Variants in CCR3 observed in about 807,000 individuals in gnomAD.
CCR3 encodes the protein C-C motif chemokine receptor 3.
For synonymous variants in CCR3, 203 were observed against 179.2 expected (o/e 1.13, Z -1.06); for missense variants, 419 against 437.5 (o/e 0.96, Z 0.38).
Position 46,265,508 on chromosome 3 carries a change from T to C in CCR3, c.350T>C (p.Leu117Ser), listed in dbSNP as rs1236169214. 4 of 1,614,070 alleles carry C rather than the reference T, an allele frequency of 2.5e-6. No homozygotes were observed. Among genetic ancestry groups the C allele is most frequent in the Non-Finnish European group, 3.4e-6 (4 of 1,180,020 alleles). Residue 117 changes from leucine (L) to serine (S), a missense_variant, in exon 2 of 2, where the codon TTG (leucine) becomes TCG (serine). Transcript: ENST00000395940. The stretch of plus-strand genomic sequence containing the variant: ...CTCTCAGGGTTTTATCACACAGGCT[T>C]GTACAGCGAGATCTTTTTCATAATC... ...KLLSGFYHTG[L>S]YSEIFFIILL...
chr3:46,257,307 C>G lies in CCR3; in HGVS notation c.-11-7841C>G, dbSNP rs527239715. ...AGTATATGCTGTCCATTTAAAAGTCCGTTTATTGCTTGGCTGTTGCAATTA... is the reference window on the plus strand; with the variant it reads ...AGTATATGCTGTCCATTTAAAAGTCGGTTTATTGCTTGGCTGTTGCAATTA... On this transcript the variant is annotated intron_variant, in intron 1 of 1. Coordinates refer to ENST00000395940, the MANE Select transcript of CCR3 (RefSeq NM_178329.3). 1.4e-4 allele frequency among the ~76,000 whole-genome samples: 21 copies of G among 152,104 alleles called. No individual in the cohort carries two copies. In the South Asian group the frequency reaches 4.4e-3, roughly 32 times the overall value.
chr3:46,237,553 T>C (rs1346459243), upstream of CCR3, among the ~76,000 whole-genome samples: 1 of 152,218 alleles, frequency 6.6e-6, no homozygotes, highest in Admixed American at 6.5e-5. Context: ...TTTCATGTAG[T>C]AGTTTTATAG....
At chr3:46,210,873 G>A (rs1302407622) in exon 2 of CCR3, 1 of 152,250 alleles carries the variant, frequency 6.6e-6, no homozygotes, top group Admixed American at 6.5e-5. Context: ...CAAGATTTGA[G>A]GCTGGGAAGA....
chr3:46,225,273 T>C lies in CCR3; in HGVS notation c.-68+14366T>C, dbSNP rs75718598. On this transcript the variant is annotated intron_variant, in intron 2 of 3. Transcript: ENST00000357422. ...TCTGGGGTTCTAGTAATGTCTTGAC[T>C]GGTGGTTACATGGGTATGTGCACAT... is the stretch of plus-strand genomic sequence containing the variant. Among the ~76,000 whole-genome samples the C allele has an allele frequency of 9.3e-3, 1,411 of 152,348 alleles. 17 individuals carry two copies. Among genetic ancestry groups the C allele is most frequent in the African/African-American group, 0.032 (1,342 of 41,574 alleles).
chr3:46,243,577 A>G (rs1700136884), intron 1 of CCR3, among the ~76,000 whole-genome samples: 1 of 152,184 alleles, frequency 6.6e-6, no homozygotes, highest in African/African-American at 2.4e-5. Context: ...CTGGATTGAC[A>G]GAGGATGAGT....
Position 46,265,559 on chromosome 3 carries a change from C to T in CCR3, c.401C>T (p.Ala134Val), listed in dbSNP as rs1174976797. The change falls in exon 2 of 2, where the codon GCC becomes GTC. Residue 134 changes from alanine to valine, a missense_variant. Coordinates refer to ENST00000395940, the MANE Select transcript of CCR3 (RefSeq NM_178329.3). ...IILLTIDRYL[A>V]IVHAVFALRA... is the part of the protein sequence containing the mutation. ...CTGCTGACAATCGACAGGTACCTGG[C>T]CATTGTCCATGCTGTGTTTGCCCTT... The T allele has an allele frequency of 6.2e-7, 1 of 1,614,108 alleles. No homozygotes were observed. The highest frequency in any genetic ancestry group is 8.5e-7 in the Non-Finnish European group (1 of 1,180,008).
rs181253380 is a variant in CCR3, at chr3:46,226,234, A to G, written c.-68+15327A>G. On this transcript the variant is annotated intron_variant, in intron 2 of 3. Coordinates refer to the CCR3 transcript ENST00000357422. ...CTATAAAAATTTCACTGGAATTTCT[A>G]TAATATAAATTTCCCTAAACCTTGG... Among the ~76,000 whole-genome samples the G allele has an allele frequency of 5.3e-5, 8 of 152,338 alleles. No individual in the cohort carries two copies. In the East Asian group the frequency reaches 1.2e-3, roughly 22 times the overall value.
At chr3:46,228,888 TCTG>T (rs1699932076) in intron 2 of CCR3, among the ~76,000 whole-genome samples, 1 of 152,252 alleles carries the variant, frequency 6.6e-6, no homozygotes, top group African/African-American at 2.4e-5. Context: ...TCATGTTACA[TCTG>T]CTATGTGTAT....
At chr3:46,234,123 G>GTTAA (rs1245138470) in intron 2 of CCR3, among the ~76,000 whole-genome samples, 1 of 152,218 alleles carries the variant, frequency 6.6e-6, no homozygotes, top group Non-Finnish European at 1.5e-5. Context: ...CTTGAGAGAT[G>GTTAA]TTAACACTTG....
chr3:46,242,320 G>T (rs1472263755), upstream of CCR3: 2 of 152,214 alleles, frequency 1.3e-5, no homozygotes, highest in African/African-American at 4.8e-5. Context: ...TGAGAAGCTA[G>T]TCTGTTTAAA....
chr3:46,243,810 G>C (rs1000493626), intron 1 of CCR3, among the ~76,000 whole-genome samples: 1 of 151,904 alleles, frequency 6.6e-6, no homozygotes, highest in African/African-American at 2.4e-5. Flanking sequence ...GAATAAATTG[G>C]GTAAAGGGCA....
chr3:46,263,029 A>G (rs775901275), intron 1 of CCR3, among the ~76,000 whole-genome samples: 1 of 152,210 alleles, frequency 6.6e-6, no homozygotes, highest in Admixed American at 6.5e-5. Context: ...GAGGACCTGC[A>G]TGCTTTCTTG....
intron 2 of CCR3, among the ~76,000 whole-genome samples, chr3:46,226,857 AATAT>A (rs71619637): frequency 1.3e-5 from 2 of 149,260 alleles, no homozygotes; most frequent in African/African-American, 4.9e-5. Flanking sequence ...GAATAGGTGA[AATAT>A]ATATATATAT....
intron 2 of CCR3, among the ~76,000 whole-genome samples, chr3:46,214,210 C>T (rs1699747991): frequency 6.6e-6 from 1 of 152,178 alleles, no homozygotes; most frequent in Non-Finnish European, 1.5e-5. Context: ...GATCTTGTTT[C>T]CTATTTCGCT....
At chr3:46,221,115 A>C (rs1409218914) in intron 2 of CCR3, among the ~76,000 whole-genome samples, 2 of 152,260 alleles carry the variant, frequency 1.3e-5, no homozygotes, top group Admixed American at 6.5e-5. Flanking sequence ...TAGTGATATT[A>C]AGTTCACAAC....
chr3:46,240,017 C>T (rs1225464323), upstream of CCR3, among the ~76,000 whole-genome samples: 34 of 152,330 alleles, frequency 2.2e-4, no homozygotes, highest in Non-Finnish European at 2.9e-5. Flanking sequence ...TCTTATCTCC[C>T]TCCACTCTTT....
At chr3:46,256,828 A>T (rs1700435192) in intron 1 of CCR3, among the ~76,000 whole-genome samples, 1 of 152,152 alleles carries the variant, frequency 6.6e-6, no homozygotes, top group Non-Finnish European at 1.5e-5. Flanking sequence ...GAGAATCATG[A>T]TGGGTCACCA....
intron 2 of CCR3, among the ~76,000 whole-genome samples, chr3:46,221,891 G>A (rs950606840): frequency 2.6e-5 from 4 of 151,972 alleles, no homozygotes; most frequent in Admixed American, 1.3e-4. Context: ...CTGACTGGCC[G>A]CCACCCCTCA....
In CCR3 at chr3:46,265,312, A is replaced by C; in HGVS notation, c.154A>C (p.Asn52His). 6.2e-7 allele frequency: 1 copy of C among 1,614,054 alleles called. No individual in the cohort carries two copies. Among genetic ancestry groups the C allele is most frequent in the Non-Finnish European group, 8.5e-7 (1 of 1,180,008 alleles). ...GGTGTTCACTGTGGGCCTCTTGGGC[A>C]ATGTGGTGGTGGTGATGATCCTCAT... ...SLVFTVGLLG[N>H]VVVVMILIKY... The change falls in exon 2 of 2, where the codon AAT becomes CAT. Residue 52 changes from asparagine to histidine, a missense_variant. Asn to His is a moderately conservative substitution (Grantham distance 68). Transcript: ENST00000395940.
Sources: allele counts gnomAD v4.1 joint callset (sites outside exome capture counted in the v4.1 genomes callset), GRCh38; gene constraint gnomAD v4.1.1; transcripts MANE v1.5; gene names NCBI Gene and HGNC (gene_info 2026-07-23, HGNC 2026-07-21).